PPP2R3B: variants seen among roughly 807,000 people sequenced by gnomAD.
The protein encoded by PPP2R3B is serine/threonine-protein phosphatase 2A regulatory subunit B'' subunit beta.
Under a neutral mutation model 72.9 loss-of-function variants are expected in PPP2R3B, and 68 were observed. The observed-to-expected ratio is 0.93, with a 90% confidence interval of 0.77 to 1.14. The LOEUF (loss-of-function observed/expected upper bound fraction) is 1.14. Among genes scored for constraint, PPP2R3B ranks in the 50% most tolerant of loss-of-function variants. PPP2R3B has a pLI of 0.00. For synonymous variants in PPP2R3B, 466 were observed against 375.8 expected (o/e 1.24, Z -2.78); for missense variants, 1,018 against 842.0 (o/e 1.21, Z -2.59).
At chrX:335,742 C>A (rs2070871971) in intron 12 of PPP2R3B, 1 of 152,222 alleles carries the variant, frequency 6.6e-6, no homozygotes, top group Non-Finnish European at 1.5e-5. Flanking sequence ...TCACTGATCA[C>A]ACACAAAGTC....
At chrX:379,505 G>A (rs1224944787) in intron 1 of PPP2R3B, among the ~76,000 whole-genome samples, 13 of 152,184 alleles carry the variant, frequency 8.5e-5, no homozygotes, top group South Asian at 2.1e-4. Flanking sequence ...GCACACGCAC[G>A]CCCGTGTTTA....
At chrX:346,463 C>A (rs2071216641) in intron 5 of PPP2R3B, 2 of 633,464 alleles carry the variant, frequency 3.2e-6, no homozygotes, top group African/African-American at 1.9e-5. Flanking sequence ...CCGGGGACGC[C>A]CCGGAGCTAC....
intron 1 of PPP2R3B, among the ~76,000 whole-genome samples, chrX:375,235 G>A (rs990580191): frequency 6.6e-6 from 1 of 152,236 alleles, no homozygotes; most frequent in African/African-American, 2.4e-5. Flanking sequence ...CCAAAGGGAA[G>A]CTTTAAGACA....
rs764209965 is a variant in PPP2R3B at position 341,370 on chromosome X, T to C, written c.1112A>G (p.Lys371Arg). The stretch of plus-strand genomic sequence containing the variant: ...CCAGACAAAGTCGGCATAGCTGATC[T>C]TCCCTTCCTTCTGCACTTTTCTGCC... ...TRGRKVQKEG[K>R]ISYADFVWFL... Residue 371 changes from lysine to arginine, a missense_variant, in exon 9 of 13, where the codon AAG becomes AGG. Transcript: ENST00000390665. 3 of 1,612,612 alleles carry C rather than the reference T, an allele frequency of 1.9e-6. No homozygotes were observed. The highest frequency in any genetic ancestry group is 2.5e-6 in the Non-Finnish European group (3 of 1,179,744).
intron 1 of PPP2R3B, among the ~76,000 whole-genome samples, chrX:367,358 G>C (rs777992817): frequency 1.3e-5 from 2 of 150,930 alleles, no homozygotes; most frequent in East Asian, 1.9e-4. Context: ...CTGGATGAGT[G>C]TGAGACGGTT....
intron 2 of PPP2R3B, among the ~76,000 whole-genome samples, chrX:356,391 T>C (rs1055685872): frequency 1.2e-4 from 18 of 152,076 alleles, no homozygotes; most frequent in Non-Finnish European, 2.4e-4. Context: ...AATTTTTGTA[T>C]TTTTAGTAGA....
At chrX:347,074 G>A (rs2071234545) in intron 4 of PPP2R3B, among the ~76,000 whole-genome samples, 160 bp downstream of exon 4, 1 of 149,188 alleles carries the variant, frequency 6.7e-6, no homozygotes, top group Non-Finnish European at 1.5e-5. Context: ...GGCATGTGGT[G>A]TAGACGCGGG....
At chrX:353,878 GCTCACCCAA>G (rs1419556359) in intron 2 of PPP2R3B, among the ~76,000 whole-genome samples, 10 of 133,692 alleles carry the variant, frequency 7.5e-5, no homozygotes, top group East Asian at 2.3e-4. Context: ...AAAGACCAGG[GCTCACCCAA>G]AGACCGGGGG....
intron 2 of PPP2R3B, among the ~76,000 whole-genome samples, chrX:348,437 A>G (rs28671373): frequency 0.31 from 47,362 of 151,596 alleles, 7,823 homozygotes; most frequent in Non-Finnish European, 0.37. Flanking sequence ...TTAGCCTGGC[A>G]TGGTGGCGGG....
rs189310372 is a variant in PPP2R3B, at chrX:361,400, C to T, written c.510+5G>A. ...GCTGCTCCACGTCCCACGCGTGACA[C>T]GTACCTTGGCCACCAGGCCCATGTC... On this transcript the variant is annotated splice_donor_5th_base_variant and intron_variant, in intron 2 of 12. Coordinates refer to ENST00000390665, the MANE Select transcript of PPP2R3B (RefSeq NM_013239.5). The T allele has an allele frequency of 4.8e-3, 7,703 of 1,613,964 alleles. 30 individuals carry two copies. The highest frequency in any genetic ancestry group is 6.2e-3 in the Non-Finnish European group (7,323 of 1,179,822).
intron 12 of PPP2R3B, 155 bp from the exon 13 acceptor site, chrX:334,672 C>G: frequency 1.1e-6 from 1 of 902,670 alleles, no homozygotes; most frequent in Non-Finnish European, 1.5e-6. Context: ...CAACGCGCTC[C>G]TGGCTGAGGA....
chrX:364,530 A>AC (rs1556212845), intron 1 of PPP2R3B, among the ~76,000 whole-genome samples: 2 of 151,286 alleles, frequency 1.3e-5, no homozygotes, highest in Non-Finnish European at 2.9e-5. Context: ...ACAAAAAAAA[A>AC]AAAACAGAAA....
At position 370,341 on chromosome X, in the gene PPP2R3B, G is replaced by A. The variant is rs190576393; in HGVS notation, c.325-8751C>T. On this transcript the variant is annotated intron_variant, in intron 1 of 12. Transcript: ENST00000390665. ...TGCAGCCGAGCAACCGGGCCTCAAC[G>A]GACGCTGAGAGACGTCGGCTGGGGC... 1.7e-3 allele frequency among the ~76,000 whole-genome samples: 263 copies of A among 152,298 alleles called. 1 individual carries two copies. Among genetic ancestry groups the A allele is most frequent in the Non-Finnish European group, 1.9e-3 (131 of 68,020 alleles).
chrX:352,958 G>A (rs750220033), intron 2 of PPP2R3B, among the ~76,000 whole-genome samples: 12 of 151,580 alleles, frequency 7.9e-5, no homozygotes, highest in East Asian at 2.0e-4. Context: ...CAAGTCTCAC[G>A]GGGAACTGTG....
chrX:357,786 T>C (rs923146268), intron 2 of PPP2R3B, among the ~76,000 whole-genome samples: 12 of 151,884 alleles, frequency 7.9e-5, no homozygotes, highest in African/African-American at 2.9e-4. Flanking sequence ...GGGGTGGAGT[T>C]TGGTGGAGGT....
chrX:347,308 C>G lies in PPP2R3B; in HGVS notation c.643G>C (p.Ala215Pro). The change falls in exon 4 of 13, where the codon GCC (alanine) becomes CCC (proline). Residue 215 changes from alanine to proline, a missense_variant. Physicochemically the swap from Ala to Pro is conservative, Grantham distance 27. Transcript: ENST00000390665. ...CTCATGAGCAGATGGACGAACTTGGCCGCGTCGTCGTGGCAGTTCTGGAGG... is the reference window on the plus strand; with the variant it reads ...CTCATGAGCAGATGGACGAACTTGGGCGCGTCGTCGTGGCAGTTCTGGAGG... ...KILQNCHDDA[A>P]KFVHLLMSPG... The G allele has an allele frequency of 6.2e-6, 10 of 1,613,754 alleles. No homozygotes were observed. The highest frequency in any genetic ancestry group is 8.5e-6 in the Non-Finnish European group (10 of 1,179,770).
chrX:342,297 G>A (rs2071098317), intron 7 of PPP2R3B: 2 of 340,796 alleles, frequency 5.9e-6, no homozygotes, highest in East Asian at 1.3e-4. Flanking sequence ...CGGGAGACGG[G>A]AGTGAGACCT....
At chrX:338,370 C>A in intron 12 of PPP2R3B, 1 of 603,788 alleles carries the variant, frequency 1.7e-6, no homozygotes, top group Non-Finnish European at 3.0e-6. Flanking sequence ...GATCACAGAA[C>A]CCCACGCGGG....
At position 361,714 on chromosome X, in the gene PPP2R3B, A is replaced by G; in HGVS notation, c.325-124T>C. The stretch of plus-strand genomic sequence containing the variant: ...GAGGCCACCTGATCCCAGCCGGGAG[A>G]GGACACACTGCAATCCCTGCGGGGG... On this transcript the variant is annotated intron_variant, in intron 1 of 12. Transcript: ENST00000390665. 4 of 1,090,808 alleles carry G rather than the reference A, an allele frequency of 3.7e-6. No homozygotes were observed. The South Asian group carries it at 5.8e-5, about 16-fold the overall frequency. The allele number at this position is 1,090,808 out of a possible 1,614,324, so 67.6% of individuals were successfully genotyped here. A position where few individuals can be genotyped will look rare whatever the true frequency, so the allele number is the denominator to read the frequency against.
Sources: allele counts gnomAD v4.1 joint callset (sites outside exome capture counted in the v4.1 genomes callset), GRCh38; gene constraint gnomAD v4.1.1; transcripts MANE v1.5; gene names NCBI Gene and HGNC (gene_info 2026-07-23, HGNC 2026-07-21).